LAMP3: variants seen among roughly 807,000 people sequenced by gnomAD.
LAMP3 encodes lysosome-associated membrane glycoprotein 3.
In LAMP3, 26 loss-of-function variants were observed where a neutral mutation model predicts 34.8. The observed-to-expected ratio is 0.75, with a 90% confidence interval of 0.55 to 1.04. The LOEUF (loss-of-function observed/expected upper bound fraction) is 1.04. Ranked by LOEUF, LAMP3 falls within the 50% of genes least tolerant of loss-of-function variation. LAMP3 has a pLI of 0.00. For missense variants in LAMP3, 495 were observed against 524.0 expected, an observed-to-expected ratio of 0.94 and a Z score of 0.54; for synonymous variants, 180 against 201.9, an observed-to-expected ratio of 0.89 and a Z score of 0.92.
intron 5 of LAMP3, among the ~76,000 whole-genome samples, chr3:183,131,496 G>A (rs1020931467): frequency 3.3e-5 from 5 of 152,100 alleles, no homozygotes; most frequent in Admixed American, 2.0e-4. Context: ...GGGAACTCCC[G>A]GGTCCTCATA....
chr3:183,137,966 C>T (rs1720152678), intron 4 of LAMP3, among the ~76,000 whole-genome samples: 1 of 151,928 alleles, frequency 6.6e-6, no homozygotes, highest in Non-Finnish European at 1.5e-5. Flanking sequence ...ATTATAGGTG[C>T]CCGCCACCAT....
intron 4 of LAMP3, among the ~76,000 whole-genome samples, chr3:183,139,356 C>T (rs1720200003): frequency 6.6e-6 from 1 of 150,406 alleles, no homozygotes; most frequent in South Asian, 2.1e-4. Flanking sequence ...AGCCACTGTA[C>T]TCCAGCCTGG....
intron 3 of LAMP3, among the ~76,000 whole-genome samples, chr3:183,147,028 G>C (rs1015979151): frequency 2.0e-5 from 3 of 151,898 alleles, no homozygotes; most frequent in Admixed American, 6.6e-5. Flanking sequence ...TGGATCACGA[G>C]GTCAGGAGAT....
chr3:183,132,734 A>C, intron 5 of LAMP3: 1 of 985,462 alleles, frequency 1.0e-6, no homozygotes, highest in Non-Finnish European at 1.2e-6. Flanking sequence ...GCAACGAGAC[A>C]GGTCAATCCT....
At chr3:183,124,308 A>T (rs1173986983) in intron 5 of LAMP3, 94 bp from the exon 6 acceptor site, 21 of 1,173,566 alleles carry the variant, frequency 1.8e-5, no homozygotes, top group Non-Finnish European at 2.3e-5. Flanking sequence ...CTTTGGCATC[A>T]AACAAAGCTT....
At chr3:183,128,386 C>T (rs958510663) in intron 5 of LAMP3, among the ~76,000 whole-genome samples, 2 of 152,062 alleles carry the variant, frequency 1.3e-5, no homozygotes, top group African/African-American at 4.8e-5. Flanking sequence ...TTTGATATAA[C>T]ATATTTTGGA....
At chr3:183,132,719 A>C (rs561627297) in intron 5 of LAMP3, 1 of 985,464 alleles carries the variant, frequency 1.0e-6, no homozygotes, top group Non-Finnish European at 1.2e-6. Context: ...AGGAGGGTGC[A>C]ACAGGCAACG....
intron 5 of LAMP3, among the ~76,000 whole-genome samples, chr3:183,134,376 C>T (rs1357234981): frequency 2.0e-5 from 3 of 152,194 alleles, no homozygotes; most frequent in South Asian, 4.1e-4. Context: ...TGAACACTGG[C>T]GTGCACTGCT....
rs1027252004 is a variant in LAMP3, at chr3:183,128,014, G to A, written c.1118-3800C>T. On this transcript the variant is annotated intron_variant, in intron 5 of 5. Coordinates refer to ENST00000265598, the MANE Select transcript of LAMP3 (RefSeq NM_014398.4). ...AAATAAAAAAATAACCAGTTGTGGT[G>A]GCAGGCGCCTGTAGTCCCAGTTACT... Among the ~76,000 whole-genome samples, 4 of 152,182 alleles carry A rather than the reference G, an allele frequency of 2.6e-5. No individual in the cohort carries two copies. The South Asian group carries it at 8.3e-4, about 32-fold the overall frequency.
At chr3:183,163,696 A>G (rs1721052351), upstream of LAMP3, 1 of 152,324 alleles carries the variant, frequency 6.6e-6, no homozygotes, top group Non-Finnish European at 1.5e-5. Flanking sequence ...AAAACCCCTA[A>G]GCACCCTGAC....
At chr3:183,149,169 T>C (rs1482995831) in intron 3 of LAMP3, among the ~76,000 whole-genome samples, 2 of 150,278 alleles carry the variant, frequency 1.3e-5, no homozygotes, top group Non-Finnish European at 3.0e-5. Context: ...AGATAGAGAG[T>C]AGAATGATGG....
Position 183,140,546 on chromosome 3 carries a change from G to C in LAMP3, c.938C>G (p.Ser313Ter), listed in dbSNP as rs1005789720. The C allele has an allele frequency of 3.1e-6, 5 of 1,594,376 alleles. No individual in the cohort carries two copies. The highest frequency in any genetic ancestry group is 4.3e-6 in the Non-Finnish European group (5 of 1,162,796). Reference protein sequence around the residue: ...ISEVGAYLTVSDPETIYQGIK... With the variant: ...ISEVGAYLTV Reference sequence around the variant, plus strand: ...ATTCTGTAATTACTAACCTGGATCTGAGACGGTCAAATAGGCTCCCACTTC... The same window carrying C: ...ATTCTGTAATTACTAACCTGGATCTCAGACGGTCAAATAGGCTCCCACTTC... Residue 313 changes from serine to a stop codon, truncating the protein, a stop_gained, in exon 4 of 6, where the codon TCA (serine) becomes TGA (stop). Transcript: ENST00000265598. LOFTEE classifies it high-confidence loss of function.
At position 183,152,484 on chromosome 3, in the gene LAMP3, T is replaced by A. The variant is rs1720670963; in HGVS notation, c.779A>T (p.Tyr260Phe). ...CGTTGCGTTGGGGTCGATGTTGAAG[T>A]ATCTCCGAGGTGAAAAAACCTAAAT... Reference protein sequence around the residue: ...DKESVFSPRRYFNIDPNATQA... With the variant: ...DKESVFSPRRFFNIDPNATQA... Residue 260 changes from tyrosine (Y) to phenylalanine (F), a missense_variant, in exon 3 of 6, where the codon TAC becomes TTC. Tyr to Phe is a conservative substitution (Grantham distance 22). Coordinates refer to ENST00000265598, the MANE Select transcript of LAMP3 (RefSeq NM_014398.4). The A allele has an allele frequency of 6.2e-7, 1 of 1,611,224 alleles. No individual in the cohort carries two copies. Among genetic ancestry groups the A allele is most frequent in the Non-Finnish European group, 8.5e-7 (1 of 1,179,012 alleles).
chr3:183,154,350 G>A lies in LAMP3; in HGVS notation c.91C>T (p.Pro31Ser), dbSNP rs778828816. The change falls in exon 2 of 6, where the codon CCA becomes TCA. Residue 31 changes from proline to serine, a missense_variant. Coordinates refer to ENST00000265598, the MANE Select transcript of LAMP3 (RefSeq NM_014398.4). ...DGSQMRAKAF[P>S]ETRDYSQPTA... ...GGTTGAGAATAATCTCTGGTTTCTGGAAATGCTTTTGCTCTCATTTGACTG... is the reference window on the plus strand; with the variant it reads ...GGTTGAGAATAATCTCTGGTTTCTGAAAATGCTTTTGCTCTCATTTGACTG... 3.7e-6 allele frequency: 6 copies of A among 1,608,904 alleles called. 1 individual carries two copies. Among genetic ancestry groups the A allele is most frequent in the Non-Finnish European group, 4.2e-6 (5 of 1,178,150 alleles).
intron 4 of LAMP3, among the ~76,000 whole-genome samples, chr3:183,139,753 C>T (rs981749250): frequency 6.6e-6 from 1 of 152,144 alleles, no homozygotes; most frequent in Non-Finnish European, 1.5e-5. Context: ...GGGGGCAGTA[C>T]TGTATTATCA....
intron 3 of LAMP3, among the ~76,000 whole-genome samples, chr3:183,146,417 A>G (rs1037022119): frequency 1.3e-5 from 2 of 152,166 alleles, no homozygotes; most frequent in African/African-American, 4.8e-5. Flanking sequence ...TCTTACCTAA[A>G]TACACTTCAT....
At chr3:183,142,315 G>C (rs1373323551) in intron 3 of LAMP3, among the ~76,000 whole-genome samples, 5 of 151,830 alleles carry the variant, frequency 3.3e-5, no homozygotes, top group Non-Finnish European at 7.4e-5. Context: ...TAAATGGCTC[G>C]GGCTGCACTG....
chr3:183,156,959 C>T (rs1413671980), intron 1 of LAMP3, among the ~76,000 whole-genome samples: 1 of 152,132 alleles, frequency 6.6e-6, no homozygotes, highest in Non-Finnish European at 1.5e-5. Flanking sequence ...GAGAGAGGAA[C>T]AGGAGGGTGC....
chr3:183,133,186 C>T (rs1179896216), intron 5 of LAMP3, among the ~76,000 whole-genome samples: 2 of 152,198 alleles, frequency 1.3e-5, no homozygotes, highest in African/African-American at 4.8e-5. Context: ...GATGCCCAGA[C>T]ACATGCCCAA....
Sources: gnomAD v4.1 joint callset for allele counts (sites outside exome capture counted in the v4.1 genomes callset) on GRCh38, gnomAD v4.1.1 for gene constraint, MANE v1.5 for transcripts, NCBI Gene and HGNC (gene_info 2026-07-23, HGNC 2026-07-21) for gene names.